ATIC: variants seen among roughly 807,000 people sequenced by gnomAD.
ATIC encodes bifunctional purine biosynthesis protein ATIC.
In ATIC, 64 loss-of-function variants were observed where a neutral mutation model predicts 72.5. The ratio of observed to expected loss-of-function variants is 0.88; its 90% confidence interval spans 0.72 to 1.09. The LOEUF is 1.09. Ranked by LOEUF, ATIC falls within the 50% of genes least tolerant of loss-of-function variation. ATIC has a pLI of 0.00. For synonymous variants in ATIC, 281 were observed against 267.1 expected (o/e 1.05, Z -0.51); for missense variants, 787 against 732.4 (o/e 1.07, Z -0.86).
Position 215,312,569 on chromosome 2 carries a change from C to T in ATIC, c.91C>T (p.Leu31=). The change falls in exon 2 of 16, where the codon CTG becomes TTG. Residue 31 remains leucine (L), a synonymous_variant. Coordinates refer to ENST00000236959, the MANE Select transcript of ATIC (RefSeq NM_004044.7). ...AAACCTGACCGCTCTTGGTTTGAATCTGGTCGCTTCCGGAGGGACTGCAAA... is the reference window on the plus strand; with the variant it reads ...AAACCTGACCGCTCTTGGTTTGAATTTGGTCGCTTCCGGAGGGACTGCAAA... The part of the protein sequence containing the change: ...ARNLTALGLN[L]VASGGTAKAL... 6.2e-7 allele frequency: 1 copy of T among 1,614,230 alleles called. No homozygotes were observed. Among genetic ancestry groups the T allele is most frequent in the Non-Finnish European group, 8.5e-7 (1 of 1,180,036 alleles).
At chr2:215,364,682 T>C in the ATIC span, 3 of 616,168 alleles carry the variant, frequency 4.9e-6, no homozygotes, top group South Asian at 1.9e-5. Flanking sequence ...CTAAGAGTAA[T>C]AGAAAGAATG....
chr2:215,354,153 G>A (rs541693663), downstream of ATIC, among the ~76,000 whole-genome samples: 11 of 150,972 alleles, frequency 7.3e-5, no homozygotes, highest in African/African-American at 2.2e-4. Context: ...TCAGCCTCCC[G>A]AGTAGCTGGG....
At chr2:215,363,729 T>C in the ATIC span, 2 of 151,842 alleles carry the variant, frequency 1.3e-5, no homozygotes, top group African/African-American at 2.4e-5. Context: ...CATGTCTTCG[T>C]TGAAAACAAA....
chr2:215,363,300 A>C, the ATIC span: 1 of 152,238 alleles, frequency 6.6e-6, no homozygotes, highest in Admixed American at 6.5e-5. Context: ...CAGCAAATTC[A>C]TTCTCCATCA....
chr2:215,365,669 G>A, the ATIC span: 2 of 1,609,814 alleles, frequency 1.2e-6, no homozygotes, highest in South Asian at 2.2e-5. Context: ...AAAGTTATTT[G>A]TATATTCTGA....
At chr2:215,361,824 A>G in the ATIC span, 3 of 1,151,882 alleles carry the variant, frequency 2.6e-6, no homozygotes, top group Non-Finnish European at 3.7e-6. Flanking sequence ...AAACTATATT[A>G]TGGAATACAG....
chr2:215,364,066 T>C, the ATIC span, among the ~76,000 whole-genome samples: 16 of 152,254 alleles, frequency 1.1e-4, no homozygotes, highest in Admixed American at 1.3e-4. Flanking sequence ...CATGCTTCTC[T>C]TTCTTGCTAA....
At chr2:215,361,486 T>G in the ATIC span, 97 of 1,118,674 alleles carry the variant, frequency 8.7e-5, no homozygotes, top group African/African-American at 1.3e-3. Context: ...CTGGGTCTGC[T>G]AACATCACTC....
At chr2:215,361,784 G>T in the ATIC span, 1 of 449,666 alleles carries the variant, frequency 2.2e-6, no homozygotes, top group Non-Finnish European at 2.9e-6. Context: ...GGCAATAGGA[G>T]ATGTTCAAGA....
chr2:215,349,063 C>T, intron 14 of ATIC, 31 bp from the exon 15 acceptor site: 4 of 1,613,536 alleles, frequency 2.5e-6, no homozygotes, highest in Non-Finnish European at 3.4e-6. Context: ...GATGTCAGAC[C>T]AAGCTTCTTC....
At chr2:215,335,350 T>TA (rs1211969683) in intron 10 of ATIC, among the ~76,000 whole-genome samples, 1 of 152,104 alleles carries the variant, frequency 6.6e-6, no homozygotes. Context: ...GCATAGTGGG[T>TA]AAAAAACAGA....
the ATIC span, among the ~76,000 whole-genome samples, chr2:215,358,218 A>G: frequency 6.6e-6 from 1 of 152,142 alleles, no homozygotes; most frequent in Non-Finnish European, 1.5e-5. Context: ...AAAATGTAAC[A>G]TTTTATTACA....
chr2:215,365,620 A>G, the ATIC span: 1 of 1,613,986 alleles, frequency 6.2e-7, no homozygotes, highest in Non-Finnish European at 8.5e-7. Context: ...CACCATTGTC[A>G]TGGCACCATC....
At chr2:215,320,781 A>G (rs560623840) in intron 4 of ATIC, among the ~76,000 whole-genome samples, 100 of 152,204 alleles carry the variant, frequency 6.6e-4, no homozygotes, top group African/African-American at 1.8e-3. Context: ...GGGTTTCACC[A>G]TGTTGGTCAG....
intron 7 of ATIC, among the ~76,000 whole-genome samples, chr2:215,327,834 G>T (rs1195797365): frequency 5.9e-5 from 9 of 152,044 alleles, no homozygotes; most frequent in Non-Finnish European, 5.9e-5. Flanking sequence ...CAGGTGGGAG[G>T]AGAATCTGAA....
At chr2:215,312,351 C>G in intron 1 of ATIC, 147 bp from the exon 2 acceptor site, 2 of 1,524,268 alleles carry the variant, frequency 1.3e-6, no homozygotes, top group African/African-American at 1.4e-5. Flanking sequence ...GGTGTAAGAC[C>G]TGGGGAGGCC....
chr2:215,348,883 G>A, intron 14 of ATIC: 1 of 330,030 alleles, frequency 3.0e-6, no homozygotes, highest in Non-Finnish European at 5.4e-6. Flanking sequence ...GCTTGAACCT[G>A]GGAGGTGGAG....
chr2:215,346,846 C>A lies in ATIC; in HGVS notation c.1408C>A (p.His470Asn), dbSNP rs1043260810. The stretch of plus-strand genomic sequence containing the variant: ...GGCAAACTATTGGTGGCTTAGACAC[C>A]ATCCACAAGTGCTTTCGATGAAGTT... ...DKANYWWLRH[H>N]PQVLSMKFKT... The change falls in exon 14 of 16, where the codon CAT (histidine) becomes AAT (asparagine). Residue 470 changes from histidine (H) to asparagine (N), a missense_variant. Physicochemically the swap from His to Asn is moderately conservative, Grantham distance 68 (BLOSUM62 1). Coordinates refer to ENST00000236959, the MANE Select transcript of ATIC (RefSeq NM_004044.7). 6.2e-7 allele frequency: 1 copy of A among 1,614,030 alleles called. No homozygotes were observed.
intron 12 of ATIC, among the ~76,000 whole-genome samples, chr2:215,339,221 A>G (rs2052990231): frequency 6.6e-6 from 1 of 152,204 alleles, no homozygotes; most frequent in Non-Finnish European, 1.5e-5. Flanking sequence ...ATGTGTTTTT[A>G]TATCAATACA....
Sources: allele counts gnomAD v4.1 joint callset (sites outside exome capture counted in the v4.1 genomes callset), GRCh38; gene constraint gnomAD v4.1.1; transcripts MANE v1.5; gene names NCBI Gene and HGNC (gene_info 2026-07-23, HGNC 2026-07-21).